Variants in KLF17 observed in about 807,000 individuals in gnomAD.
The protein encoded by KLF17 is KLF transcription factor 17, also known as Krueppel-like factor 17.
In KLF17, 31 loss-of-function variants were observed where a neutral mutation model predicts 34.2. The ratio of observed to expected loss-of-function variants is 0.91; its 90% confidence interval spans 0.68 to 1.22. The LOEUF is 1.22. KLF17 is among the 50% of genes most tolerant of loss of function. The pLI is 0.00. For missense variants in KLF17, 478 were observed against 505.2 expected (o/e 0.95, Z 0.52); for synonymous variants, 179 against 186.7 (o/e 0.96, Z 0.34).
chr1:44,120,606 T>G lies in KLF17; in HGVS notation c.81+1618T>G, dbSNP rs114725927. On this transcript the variant is annotated intron_variant, in intron 1 of 3. Transcript: ENST00000372299. Reference sequence around the variant, plus strand: ...TATGAAAGCTGGTTCTGTGGAGAGATAGAGGCCAGAGCAAATTTGGGAGAC... The same window carrying G: ...TATGAAAGCTGGTTCTGTGGAGAGAGAGAGGCCAGAGCAAATTTGGGAGAC... 3.3e-3 allele frequency among the ~76,000 whole-genome samples: 495 copies of G among 152,208 alleles called. 2 individuals are homozygous for G. Among genetic ancestry groups the G allele is most frequent in the African/African-American group, 0.011 (476 of 41,526 alleles).
chr1:44,087,749 TATATATATATATATATATATACACAC>T, the KLF17 span, among the ~76,000 whole-genome samples: 1,305 of 79,156 alleles, frequency 0.016, 13 homozygotes, highest in African/African-American at 0.028. Context: ...TATATATATA[TATATATATATATATATATATACACAC>T]ACACACACAC....
At chr1:44,071,335 A>G in the KLF17 span, among the ~76,000 whole-genome samples, 1 of 152,158 alleles carries the variant, frequency 6.6e-6, no homozygotes, top group East Asian at 1.9e-4. Flanking sequence ...TTTCAGTCAC[A>G]GTCTACACTT....
At chr1:44,103,253 G>C in the KLF17 span, 1 of 683,606 alleles carries the variant, frequency 1.5e-6, no homozygotes, top group South Asian at 1.6e-5. Flanking sequence ...CCTCCCTCCC[G>C]GACTCTGGGG....
chr1:44,101,819 G>T, the KLF17 span, among the ~76,000 whole-genome samples: 2 of 151,986 alleles, frequency 1.3e-5, no homozygotes, highest in Non-Finnish European at 2.9e-5. Context: ...TTGAGCCCAG[G>T]AGTTTGAGAC....
the KLF17 span, chr1:44,052,179 A>G: frequency 5.9e-5 from 9 of 152,332 alleles, no homozygotes; most frequent in African/African-American, 2.2e-4. Context: ...GGAGACCTCA[A>G]TCCTCAGGTA....
chr1:44,087,598 A>G, the KLF17 span, among the ~76,000 whole-genome samples: 2 of 150,492 alleles, frequency 1.3e-5, no homozygotes, highest in African/African-American at 4.9e-5. Flanking sequence ...GACTTCCAGG[A>G]TGGAGGTACA....
intron 1 of KLF17, among the ~76,000 whole-genome samples, chr1:44,127,797 C>T (rs2088045042): frequency 1.9e-5 from 2 of 105,526 alleles, no homozygotes; most frequent in Non-Finnish European, 2.1e-5. Context: ...TCTTTCTTTT[C>T]TTATCTTTTC....
At chr1:44,088,089 G>C in the KLF17 span, 1 of 193,772 alleles carries the variant, frequency 5.2e-6, no homozygotes, top group Non-Finnish European at 1.1e-5. Flanking sequence ...GCTTGATCAA[G>C]CTGCCAAGCA....
At chr1:44,065,148 C>A in the KLF17 span, among the ~76,000 whole-genome samples, 1 of 151,852 alleles carries the variant, frequency 6.6e-6, no homozygotes, top group Non-Finnish European at 1.5e-5. Flanking sequence ...ATTAGCGGGG[C>A]GTGGTAGCGC....
chr1:44,079,701 T>A, the KLF17 span, among the ~76,000 whole-genome samples: 1,170 of 152,256 alleles, frequency 7.7e-3, 13 homozygotes, highest in Middle Eastern at 0.051. Flanking sequence ...GATTTAATCC[T>A]CCTGGAAAAT....
chr1:44,121,673 G>C (rs57892149), intron 1 of KLF17, among the ~76,000 whole-genome samples: 3 of 152,106 alleles, frequency 2.0e-5, no homozygotes, highest in African/African-American at 7.2e-5. Flanking sequence ...ATAACATTTA[G>C]CTTTATCTTC....
chr1:44,081,223 A>T, the KLF17 span, among the ~76,000 whole-genome samples: 1 of 112,386 alleles, frequency 8.9e-6, no homozygotes, highest in African/African-American at 3.3e-5. Flanking sequence ...AAGATCCTGT[A>T]AAAAAAAAAA....
the KLF17 span, among the ~76,000 whole-genome samples, chr1:44,112,498 T>G: frequency 6.6e-6 from 1 of 152,310 alleles, no homozygotes; most frequent in African/African-American, 2.4e-5. Flanking sequence ...CTTGAACTCC[T>G]AGGCTCAAGC....
At chr1:44,103,872 T>G in the KLF17 span, 1 of 786,414 alleles carries the variant, frequency 1.3e-6, no homozygotes. Context: ...AGTCTTTGTA[T>G]GCTGCACGTC....
rs143807171 is a variant in KLF17, at chr1:44,129,007, C to T, written c.82-346C>T. Among the ~76,000 whole-genome samples the T allele has an allele frequency of 8.7e-5, 13 of 148,872 alleles. No individual in the cohort carries two copies. The East Asian group carries it at 2.3e-3, about 27-fold the overall frequency. On this transcript the variant is annotated intron_variant, in intron 1 of 3. Transcript: ENST00000372299. ...AGCCTGGGCAACAAGAGCGAAACTC[C>T]GTCTCAATAAAAAGAAAAAAAAAAA...
In KLF17 at chr1:44,119,115, G is replaced by A. The variant is rs993179603; in HGVS notation, c.81+127G>A. 11 of 610,140 alleles carry A rather than the reference G, an allele frequency of 1.8e-5. No homozygotes were observed. In the African/African-American group the frequency reaches 2.1e-4, roughly 12 times the overall value. 37.8% of individuals were successfully genotyped at this position (610,140 alleles called of 1,614,324 possible). ...CCCGAGGGGTAGAAATCCGAGGGGA[G>A]GGGTGGCAAAGGAAGGAATGGGAGA... On this transcript the variant is annotated intron_variant, in intron 1 of 3. Coordinates refer to ENST00000372299, the MANE Select transcript of KLF17 (RefSeq NM_173484.4).
rs2088142906 is a variant in KLF17 at position 44,134,127 on chromosome 1, GGA to G, written c.*894_*895del. On this transcript the variant is annotated 3_prime_UTR_variant, in exon 4 of 4. Transcript: ENST00000372299. ...AGCATTTTCACCAAGAAGTGGACGT[GGA>G]GAGGACCAGAGTGATCAAGGGTGTA... 6.6e-6 allele frequency: 1 copy of G among 152,206 alleles called. No homozygotes were observed. The highest frequency in any genetic ancestry group is 6.5e-5 in the Admixed American group (1 of 15,272). 9.4% of individuals were successfully genotyped at this position (152,206 alleles called of 1,614,324 possible). A position where few individuals can be genotyped will look rare whatever the true frequency, so the allele number is the denominator to read the frequency against.
chr1:44,100,607 G>A, the KLF17 span, among the ~76,000 whole-genome samples: 1 of 151,530 alleles, frequency 6.6e-6, no homozygotes, highest in Non-Finnish European at 1.5e-5. Context: ...GTGAGCCACC[G>A]CACTTGGCTG....
chr1:44,108,970 T>A, the KLF17 span, among the ~76,000 whole-genome samples: 1 of 152,186 alleles, frequency 6.6e-6, no homozygotes, highest in African/African-American at 2.4e-5. Context: ...CCCAGCCTGT[T>A]AGTTCATTTT....
Sources: gnomAD v4.1 joint callset for allele counts (sites outside exome capture counted in the v4.1 genomes callset) on GRCh38, gnomAD v4.1.1 for gene constraint, MANE v1.5 for transcripts, NCBI Gene and HGNC (gene_info 2026-07-23, HGNC 2026-07-21) for gene names.